Variants in PRR16 observed in about 807,000 individuals in gnomAD.
The protein encoded by PRR16 is protein Largen.
In PRR16, 6 loss-of-function variants were observed where a neutral mutation model predicts 18.2. The observed-to-expected ratio is 0.33, with a 90% CI of 0.18 to 0.65. The LOEUF (loss-of-function observed/expected upper bound fraction) is 0.65. PRR16 is among the 30% of genes least tolerant of loss of function. The probability of loss-of-function intolerance (pLI) is 0.74; values close to 1 mark genes in which losing one functional copy is unlikely to be tolerated. For synonymous variants in PRR16, 151 were observed against 147.8 expected, an observed-to-expected ratio of 1.02 and a Z score of -0.16; for missense variants, 412 against 376.6, an observed-to-expected ratio of 1.09 and a Z score of -0.78.
chr5:120,644,619 T>C (rs577518227), intron 1 of PRR16, among the ~76,000 whole-genome samples: 1 of 152,216 alleles, frequency 6.6e-6, no homozygotes, highest in East Asian at 1.9e-4. Context: ...GCCTTTTGGG[T>C]CAAAATATTT....
intron 1 of PRR16, among the ~76,000 whole-genome samples, chr5:120,528,219 G>T (rs767632535): frequency 6.6e-6 from 1 of 152,152 alleles, no homozygotes; most frequent in Non-Finnish European, 1.5e-5. Context: ...ATCTAAATAT[G>T]TCATCAACCA....
chr5:120,560,812 T>C (rs1047074704), intron 1 of PRR16, among the ~76,000 whole-genome samples: 5 of 152,110 alleles, frequency 3.3e-5, no homozygotes, highest in East Asian at 1.9e-4. Flanking sequence ...TTACTTGTTA[T>C]TGGTCTGTTC....
chr5:120,752,572 T>C, the PRR16 span, among the ~76,000 whole-genome samples: 1 of 151,998 alleles, frequency 6.6e-6, no homozygotes, highest in Non-Finnish European at 1.5e-5. Flanking sequence ...AGATTTTCCT[T>C]AAAAATTTCC....
At chr5:120,736,278 A>G in the PRR16 span, among the ~76,000 whole-genome samples, 3 of 152,044 alleles carry the variant, frequency 2.0e-5, no homozygotes, top group African/African-American at 4.8e-5. Context: ...TTTTCTTTTT[A>G]ATTTTTTTAT....
the PRR16 span, among the ~76,000 whole-genome samples, chr5:120,728,623 T>C: frequency 1.1e-4 from 17 of 152,156 alleles, no homozygotes; most frequent in Non-Finnish European, 1.9e-4. Flanking sequence ...TGGGAATTTA[T>C]GTTGGTATTT....
At chr5:120,570,181 G>T (rs1264106693) in intron 1 of PRR16, among the ~76,000 whole-genome samples, 1 of 152,038 alleles carries the variant, frequency 6.6e-6, no homozygotes, top group Admixed American at 6.6e-5. Context: ...CCTCCCAAAA[G>T]CTGCAGCAAA....
At chr5:120,697,814 A>G in the PRR16 span, among the ~76,000 whole-genome samples, 1 of 152,156 alleles carries the variant, frequency 6.6e-6, no homozygotes, top group Non-Finnish European at 1.5e-5. Flanking sequence ...TTCACAAGGT[A>G]ATGTCATCAC....
intron 1 of PRR16, among the ~76,000 whole-genome samples, chr5:120,593,920 G>C (rs1000300495): frequency 9.2e-5 from 14 of 152,074 alleles, no homozygotes; most frequent in African/African-American, 3.4e-4. Context: ...AATCTCAGTA[G>C]ATGTAGAAAA....
intron 1 of PRR16, among the ~76,000 whole-genome samples, chr5:120,522,597 C>G (rs10071559): frequency 0.015 from 2,228 of 152,068 alleles, 55 homozygotes; most frequent in African/African-American, 0.051. Context: ...GGGTAGATTG[C>G]AAAAATTTTC....
the PRR16 span, among the ~76,000 whole-genome samples, chr5:120,720,382 C>A: frequency 6.6e-6 from 1 of 151,874 alleles, no homozygotes; most frequent in African/African-American, 2.4e-5. Flanking sequence ...TTCATCTTTT[C>A]CAAGTGAAAA....
the PRR16 span, among the ~76,000 whole-genome samples, chr5:120,765,555 A>C: frequency 6.6e-6 from 1 of 152,058 alleles, no homozygotes; most frequent in African/African-American, 2.4e-5. Context: ...ATTCTTTAAT[A>C]CAAAAATTAA....
At chr5:120,538,686 G>C (rs1018910505) in intron 1 of PRR16, among the ~76,000 whole-genome samples, 11 of 152,176 alleles carry the variant, frequency 7.2e-5, no homozygotes, top group African/African-American at 2.7e-4. Flanking sequence ...TTCAGCATTT[G>C]CATTAATGTG....
At chr5:120,750,496 TA>T in the PRR16 span, among the ~76,000 whole-genome samples, 5 of 145,976 alleles carry the variant, frequency 3.4e-5, no homozygotes, top group East Asian at 2.0e-4. Flanking sequence ...CTGTCTCTAC[TA>T]AAAAAAAAAC....
chr5:120,766,271 C>T, the PRR16 span, among the ~76,000 whole-genome samples: 12 of 151,850 alleles, frequency 7.9e-5, no homozygotes, highest in South Asian at 8.3e-4. Context: ...CTAGTCATTG[C>T]CTGCTTTTGT....
chr5:120,651,653 A>G (rs1342118250), intron 1 of PRR16, among the ~76,000 whole-genome samples: 1 of 152,006 alleles, frequency 6.6e-6, no homozygotes, highest in Non-Finnish European at 1.5e-5. Context: ...ATGTGGCATT[A>G]TTTCTGAGGT....
chr5:120,784,897 C>A, the PRR16 span, among the ~76,000 whole-genome samples: 2 of 152,176 alleles, frequency 1.3e-5, no homozygotes, highest in African/African-American at 4.8e-5. Context: ...TGGCACCATC[C>A]TAATGGTTCT....
At chr5:120,598,121 T>C (rs1445524568) in intron 1 of PRR16, among the ~76,000 whole-genome samples, 8 of 150,504 alleles carry the variant, frequency 5.3e-5, no homozygotes, top group South Asian at 2.1e-4. Context: ...ATGTATAGGT[T>C]ACCTTGTGAG....
chr5:120,576,825 T>C (rs567167518), intron 1 of PRR16, among the ~76,000 whole-genome samples: 23 of 152,250 alleles, frequency 1.5e-4, no homozygotes, highest in Admixed American at 3.9e-4. Context: ...TTGGCTCTCC[T>C]GGGTCTCCAG....
chr5:120,594,999 A>T lies in PRR16; in HGVS notation c.160-90955A>T, dbSNP rs554034823. Among the ~76,000 whole-genome samples, 6 of 152,214 alleles carry T rather than the reference A, an allele frequency of 3.9e-5. No homozygotes were observed. In the East Asian group the frequency reaches 1.2e-3, roughly 29 times the overall value. ...TTAAATGTATAACCTAAAACTATAA[A>T]AACCATGGAAGATAACCTAGGAAAT... On this transcript the variant is annotated intron_variant, in intron 1 of 1. Transcript: ENST00000407149.
Sources: gnomAD v4.1 joint callset for allele counts (sites outside exome capture counted in the v4.1 genomes callset) on GRCh38, gnomAD v4.1.1 for gene constraint, MANE v1.5 for transcripts, NCBI Gene and HGNC (gene_info 2026-07-23, HGNC 2026-07-21) for gene names.